UBA2: variants seen among roughly 807,000 people sequenced by gnomAD.
The protein encoded by UBA2 is SUMO-activating enzyme subunit 2.
A neutral mutation model predicts 77.2 loss-of-function variants in UBA2; 11 were observed. That is an observed-to-expected ratio of 0.14 (90% CI 0.09 to 0.24). The LOEUF is 0.24. Ranked by LOEUF, UBA2 falls within the 10% of genes least tolerant of loss-of-function variation. UBA2 has a pLI of 1.00. For synonymous variants in UBA2, 278 were observed against 276.7 expected (o/e 1.00, Z -0.05); for missense variants, 487 against 781.7 (o/e 0.62, Z 4.50).
chr19:34,455,559 A>T (rs2075549223), intron 12 of UBA2, among the ~76,000 whole-genome samples: 1 of 152,230 alleles, frequency 6.6e-6, no homozygotes, highest in Admixed American at 6.5e-5. Flanking sequence ...TCATTGAAAT[A>T]AAAAGACCTG....
At chr19:34,458,970 T>G in intron 13 of UBA2, 46 bp downstream of exon 13, 1 of 1,549,826 alleles carries the variant, frequency 6.5e-7, no homozygotes, top group Non-Finnish European at 8.7e-7. Flanking sequence ...TTTACAGTAT[T>G]ACTGTGATGA....
At chr19:34,435,515 T>C (rs887964625) in intron 5 of UBA2, among the ~76,000 whole-genome samples, 3 of 152,000 alleles carry the variant, frequency 2.0e-5, no homozygotes, top group Non-Finnish European at 4.4e-5. Flanking sequence ...GTGGTAAGCA[T>C]GATATACCAG....
chr19:34,466,869 C>G lies in UBA2; in HGVS notation c.1605-9C>G. Reference sequence around the variant, plus strand: ...AGTCATAGCAGTGACCTGTGTGATTCTCCTACAGTGAAGACCTAGGAAAGG... The same window carrying G: ...AGTCATAGCAGTGACCTGTGTGATTGTCCTACAGTGAAGACCTAGGAAAGG... On this transcript the variant is annotated splice_polypyrimidine_tract_variant and intron_variant, in intron 15 of 16. Coordinates refer to ENST00000246548, the MANE Select transcript of UBA2 (RefSeq NM_005499.3). 2 of 1,611,936 alleles carry G rather than the reference C, an allele frequency of 1.2e-6. No individual in the cohort carries two copies. The highest frequency in any genetic ancestry group is 1.7e-6 in the Non-Finnish European group (2 of 1,179,634).
chr19:34,446,597 C>CT (rs1202288406), intron 8 of UBA2, among the ~76,000 whole-genome samples: 1,910 of 100,154 alleles, frequency 0.019, 75 homozygotes, highest in Admixed American at 0.14. Flanking sequence ...CACATGTTGA[C>CT]TTTTTTTTTT....
intron 14 of UBA2, among the ~76,000 whole-genome samples, chr19:34,462,522 A>G (rs1317612748): frequency 6.6e-6 from 1 of 152,212 alleles, no homozygotes; most frequent in Admixed American, 6.5e-5. Flanking sequence ...TGGTAAAGCA[A>G]GCAACAGATC....
intron 3 of UBA2, among the ~76,000 whole-genome samples, chr19:34,432,322 A>G (rs1329882471): frequency 6.6e-6 from 1 of 152,184 alleles, no homozygotes; most frequent in East Asian, 1.9e-4. Flanking sequence ...TCTGTAATAT[A>G]ACACTTGGAA....
At chr19:34,460,205 A>T (rs1383359798) in intron 13 of UBA2, among the ~76,000 whole-genome samples, 1 of 152,184 alleles carries the variant, frequency 6.6e-6, no homozygotes, top group Non-Finnish European at 1.5e-5. Flanking sequence ...GCAGGGAAAG[A>T]CAAAGTAGCA....
At chr19:34,437,197 G>A (rs1420978337) in intron 5 of UBA2, among the ~76,000 whole-genome samples, 1 of 151,428 alleles carries the variant, frequency 6.6e-6, no homozygotes, top group Non-Finnish European at 1.5e-5. Context: ...CCTGACCTCA[G>A]GTGATCCGCC....
intron 12 of UBA2, 37 bp from the exon 13 acceptor site, chr19:34,458,732 A>T (rs746553086): frequency 4.4e-6 from 7 of 1,582,488 alleles, no homozygotes; most frequent in Non-Finnish European, 6.0e-6. Flanking sequence ...AAATTACAGC[A>T]CGTTTCCGAT....
intron 12 of UBA2, among the ~76,000 whole-genome samples, chr19:34,454,849 T>C (rs2075541036): frequency 1.3e-5 from 2 of 152,232 alleles, no homozygotes. Flanking sequence ...TTTTCAATTC[T>C]GAGAGTGCTA....
chr19:34,453,210 T>C (rs1735986643), intron 10 of UBA2, among the ~76,000 whole-genome samples: 2 of 152,252 alleles, frequency 1.3e-5, no homozygotes, highest in South Asian at 4.1e-4. Context: ...TTGACTTGCC[T>C]GAGGATTCAC....
rs747597895 is a variant in UBA2 at position 34,466,878 on chromosome 19, T to C, written c.1605T>C (p.Ser535=). The C allele has an allele frequency of 2.7e-5, 44 of 1,612,376 alleles. No homozygotes were observed. The highest frequency in any genetic ancestry group is 3.7e-5 in the Non-Finnish European group (44 of 1,179,890). The part of the protein sequence containing the change: ...DYTLLINILH[S]EDLGKDVEFE... ...AGTGACCTGTGTGATTCTCCTACAG[T>C]GAAGACCTAGGAAAGGACGTTGAAT... The change falls in exon 16 of 17, where the codon AGT becomes AGC. Residue 535 remains serine (S), a splice_region_variant and synonymous_variant. Transcript: ENST00000246548.
Position 34,454,145 on chromosome 19 carries a change from T to C in UBA2, c.1039-115T>C, listed in dbSNP as rs1027369658. 4.2e-6 allele frequency: 4 copies of C among 953,666 alleles called. No individual in the cohort carries two copies. The African/African-American group carries it at 6.6e-5, about 16-fold the overall frequency. 59.1% of individuals were successfully genotyped at this position (953,666 alleles called of 1,614,324 possible). A position where few individuals can be genotyped will look rare whatever the true frequency, so the allele number is the denominator to read the frequency against. On this transcript the variant is annotated intron_variant, in intron 10 of 16. Coordinates refer to ENST00000246548, the MANE Select transcript of UBA2 (RefSeq NM_005499.3). ...ACTGGTCTTTCCCTCAGCAACCTCT[T>C]GTTCTAGTCGAAAGTCTATAGTATT...
At chr19:34,454,584 CA>C in intron 12 of UBA2, 28 bp downstream of exon 12, 1 of 1,122,026 alleles carries the variant, frequency 8.9e-7, no homozygotes, top group Non-Finnish European at 1.3e-6. Context: ...CATTTTTATG[CA>C]ACCCCCCTTA....
chr19:34,464,557 TAAA>T (rs11284248), intron 15 of UBA2, among the ~76,000 whole-genome samples: 4 of 141,356 alleles, frequency 2.8e-5, no homozygotes, highest in Non-Finnish European at 1.5e-5. Context: ...GACTCCAACT[TAAA>T]AAAAAAAAAA....
chr19:34,447,518 T>G (rs2075444979), intron 8 of UBA2, among the ~76,000 whole-genome samples: 1 of 152,242 alleles, frequency 6.6e-6, no homozygotes, highest in Non-Finnish European at 1.5e-5. Flanking sequence ...TGAGCAAGAC[T>G]TGAAAGCCAG....
At chr19:34,433,309 C>G (rs1327725509) in intron 3 of UBA2, 39 bp from the exon 4 acceptor site, 1 of 1,415,888 alleles carries the variant, frequency 7.1e-7, no homozygotes, top group Admixed American at 1.8e-5. Context: ...ATGTGGAAGG[C>G]TAGTTATTTT....
chr19:34,467,555 G>C (rs1264333610), intron 16 of UBA2, among the ~76,000 whole-genome samples: 1 of 151,784 alleles, frequency 6.6e-6, no homozygotes. Context: ...CGGGCAGATC[G>C]CCTGAGCTCA....
intron 8 of UBA2, among the ~76,000 whole-genome samples, chr19:34,449,726 C>G (rs978414303): frequency 6.6e-6 from 1 of 151,724 alleles, no homozygotes; most frequent in Non-Finnish European, 1.5e-5. Context: ...TATTTTTGTT[C>G]ATGTTTCTGT....
Sources: gnomAD v4.1 joint callset for allele counts (sites outside exome capture counted in the v4.1 genomes callset) on GRCh38, gnomAD v4.1.1 for gene constraint, MANE v1.5 for transcripts, NCBI Gene and HGNC (gene_info 2026-07-23, HGNC 2026-07-21) for gene names.